ZNF385D: variants seen among roughly 807,000 people sequenced by gnomAD.
ZNF385D encodes the protein zinc finger protein 659.
Under a neutral mutation model 35.8 loss-of-function variants are expected in ZNF385D, and 15 were observed. That is an observed-to-expected ratio of 0.42 (90% CI 0.28 to 0.64). ZNF385D has a LOEUF of 0.64. Ranked by LOEUF, ZNF385D falls within the 30% of genes least tolerant of loss-of-function variation. The probability of loss-of-function intolerance (pLI) is 0.23; values close to 1 mark genes in which losing one functional copy is unlikely to be tolerated. For synonymous variants in ZNF385D, 212 were observed against 186.8 expected (o/e 1.13, Z -1.10); for missense variants, 474 against 494.6 (o/e 0.96, Z 0.39).
chr3:21,602,517 C>CTTTTTTTTT lies in ZNF385D; in HGVS notation c.166-37842_166-37834dup, dbSNP rs746138066. On this transcript the variant is annotated intron_variant, in intron 2 of 7. Transcript: ENST00000281523. ...TAGGTCTCCTGTTTCCCTGCATTTT[C>CTTTTTTTTT]TTTTTTTTTTTTTTTTTTTTTTTTT... Among the ~76,000 whole-genome samples, 354 of 62,684 alleles carry CTTTTTTTTT rather than the reference C, an allele frequency of 5.6e-3. 49 individuals are homozygous for CTTTTTTTTT. The highest frequency in any genetic ancestry group is 0.011 in the African/African-American group (152 of 13,230). 41.1% of individuals were successfully genotyped at this position (62,684 alleles called of 152,430 possible).
chr3:22,244,693 A>G (rs78475625), intron 2 of ZNF385D, among the ~76,000 whole-genome samples: 1,819 of 151,216 alleles, frequency 0.012, 120 homozygotes, highest in African/African-American at 0.042. Flanking sequence ...CTGCAACTCT[A>G]TGCTGAATTT....
intron 1 of ZNF385D, among the ~76,000 whole-genome samples, chr3:21,729,455 A>C (rs2125480238): frequency 6.6e-6 from 1 of 152,156 alleles, no homozygotes; most frequent in Non-Finnish European, 1.5e-5. Flanking sequence ...TGTCATTTCT[A>C]CAAGCAGTGG....
intron 1 of ZNF385D, among the ~76,000 whole-genome samples, chr3:21,722,467 C>A (rs1335014863): frequency 6.6e-6 from 1 of 152,188 alleles, no homozygotes; most frequent in Admixed American, 6.5e-5. Flanking sequence ...CAATGGCACC[C>A]ACAAATCAGG....
At chr3:21,921,830 T>A in intron 3 of ZNF385D, among the ~76,000 whole-genome samples, 1 of 140,498 alleles carries the variant, frequency 7.1e-6, no homozygotes, top group Non-Finnish European at 1.5e-5. Context: ...GTTTTGAAAC[T>A]GAATCAGTAA....
chr3:22,367,194 A>T (rs1039925136), intron 2 of ZNF385D, among the ~76,000 whole-genome samples: 5 of 152,146 alleles, frequency 3.3e-5, no homozygotes, highest in Admixed American at 1.3e-4. Flanking sequence ...TACGTGTATC[A>T]CCTTATTAAG....
chr3:21,500,982 G>A (rs911173818), intron 4 of ZNF385D, among the ~76,000 whole-genome samples: 1 of 152,022 alleles, frequency 6.6e-6, no homozygotes, highest in Non-Finnish European at 1.5e-5. Context: ...CAACACAGCC[G>A]CCCCCACATA....
At chr3:21,971,806 G>C (rs373679502) in intron 3 of ZNF385D, among the ~76,000 whole-genome samples, 2 of 151,834 alleles carry the variant, frequency 1.3e-5, no homozygotes, top group African/African-American at 4.8e-5. Flanking sequence ...AAAAAGAGCA[G>C]GAGTGGCTAT....
At chr3:22,188,639 A>G (rs1695806910) in intron 2 of ZNF385D, among the ~76,000 whole-genome samples, 1 of 151,944 alleles carries the variant, frequency 6.6e-6, no homozygotes, top group Admixed American at 6.6e-5. Context: ...TTTAGAAGAG[A>G]TGGGGTTTCA....
Position 21,934,487 on chromosome 3 carries a change from C to T in ZNF385D, c.325+234330G>A, listed in dbSNP as rs73820442. Among the ~76,000 whole-genome samples, 15 of 152,196 alleles carry T rather than the reference C, an allele frequency of 9.9e-5. No homozygotes were observed. In the East Asian group the frequency reaches 1.3e-3, roughly 14 times the overall value. ...CTGAGGTTAGTAATAATAATTACAC[C>T]GTTAAATATTCACTGTGTAAAGATC... On this transcript the variant is annotated intron_variant, in intron 3 of 5. Coordinates refer to the ZNF385D transcript ENST00000494108.
At chr3:22,359,074 CAAAAAA>C (rs564037085) in intron 2 of ZNF385D, among the ~76,000 whole-genome samples, 2 of 122,904 alleles carry the variant, frequency 1.6e-5, no homozygotes, top group African/African-American at 6.4e-5. Context: ...ACAAAAAAAC[CAAAAAA>C]AAAAACAAAA....
At chr3:21,476,912 G>C (rs183655091) in intron 4 of ZNF385D, among the ~76,000 whole-genome samples, 88 of 152,166 alleles carry the variant, frequency 5.8e-4, no homozygotes, top group African/African-American at 2.0e-3. Context: ...ACCCCTCTCT[G>C]TGTTTTCATC....
intron 2 of ZNF385D, among the ~76,000 whole-genome samples, chr3:22,186,678 T>G (rs1342301024): frequency 6.6e-6 from 1 of 152,130 alleles, no homozygotes; most frequent in Non-Finnish European, 1.5e-5. Context: ...TGAGAATAAT[T>G]TCCTACTGAG....
intron 3 of ZNF385D, 93 bp downstream of exon 3, chr3:21,564,481 G>T: frequency 1.4e-6 from 1 of 706,514 alleles, no homozygotes; most frequent in South Asian, 2.9e-5. Context: ...CTCAGTTACT[G>T]GAGAAAATGT....
chr3:22,130,596 T>C (rs1254964283), intron 3 of ZNF385D, among the ~76,000 whole-genome samples: 1 of 152,106 alleles, frequency 6.6e-6, no homozygotes, highest in Non-Finnish European at 1.5e-5. Flanking sequence ...CAATGCAAAC[T>C]TCCAATTTCC....
At chr3:21,736,888 C>T (rs1004708269) in intron 1 of ZNF385D, among the ~76,000 whole-genome samples, 29 of 152,142 alleles carry the variant, frequency 1.9e-4, no homozygotes, top group African/African-American at 7.0e-4. Flanking sequence ...TTCCATAGGG[C>T]ATTTTGGCAA....
intron 3 of ZNF385D, among the ~76,000 whole-genome samples, chr3:22,104,296 T>A (rs1223150502): frequency 1.3e-5 from 2 of 152,070 alleles, no homozygotes; most frequent in Non-Finnish European, 2.9e-5. Context: ...TAAAATTCAC[T>A]GAGTGTGTCT....
At chr3:21,512,882 G>A (rs1384501977) in intron 3 of ZNF385D, among the ~76,000 whole-genome samples, 1 of 152,104 alleles carries the variant, frequency 6.6e-6, no homozygotes, top group Non-Finnish European at 1.5e-5. Flanking sequence ...AGGATCACAG[G>A]TCATCTTCTT....
intron 2 of ZNF385D, among the ~76,000 whole-genome samples, chr3:22,252,159 A>C (rs1156939119): frequency 1.3e-5 from 2 of 152,076 alleles, no homozygotes; most frequent in Admixed American, 6.6e-5. Context: ...CTGTGATAAT[A>C]TTATTTGCCT....
intron 2 of ZNF385D, among the ~76,000 whole-genome samples, chr3:21,568,539 A>G (rs896751991): frequency 1.1e-4 from 16 of 152,324 alleles, no homozygotes; most frequent in Admixed American, 3.9e-4. Flanking sequence ...TCTGCCTCAC[A>G]CAATGCCAAT....
Sources: allele counts gnomAD v4.1 joint callset (sites outside exome capture counted in the v4.1 genomes callset), GRCh38; gene constraint gnomAD v4.1.1; transcripts MANE v1.5; gene names NCBI Gene and HGNC (gene_info 2026-07-23, HGNC 2026-07-21).